AKAP19: variants seen among roughly 807,000 people sequenced by gnomAD.
The protein encoded by AKAP19 is small A-kinase anchoring protein.
At chr2:189,885,665 C>T in the AKAP19 span, among the ~76,000 whole-genome samples, 3 of 152,034 alleles carry the variant, frequency 2.0e-5, no homozygotes, top group African/African-American at 7.2e-5. Context: ...TACTGAAAGG[C>T]CTTTTTGGTC....
chr2:190,050,737 A>G, the AKAP19 span, among the ~76,000 whole-genome samples: 3 of 152,366 alleles, frequency 2.0e-5, no homozygotes, highest in African/African-American at 7.2e-5. Flanking sequence ...ATCTATTTCT[A>G]TATCTTTTCA....
chr2:189,888,931 C>A, the AKAP19 span, among the ~76,000 whole-genome samples: 4 of 152,104 alleles, frequency 2.6e-5, no homozygotes, highest in Non-Finnish European at 4.4e-5. Flanking sequence ...AATACCCTTT[C>A]TTTCTTTCTC....
the AKAP19 span, among the ~76,000 whole-genome samples, chr2:190,192,409 G>A: frequency 2.7e-5 from 4 of 149,168 alleles, no homozygotes; most frequent in African/African-American, 5.0e-5. Flanking sequence ...TCTCAAAATT[G>A]TTTTGGCCAT....
the AKAP19 span, chr2:190,181,291 T>A: frequency 3.0e-6 from 1 of 337,418 alleles, no homozygotes; most frequent in East Asian, 1.7e-4. Context: ...CGTCCCCTAA[T>A]CGAGAAGAGT....
the AKAP19 span, among the ~76,000 whole-genome samples, chr2:190,045,209 G>T: frequency 6.6e-6 from 1 of 152,212 alleles, no homozygotes; most frequent in Non-Finnish European, 1.5e-5. Context: ...ATGGGATCTG[G>T]ACCCGCTTAA....
At chr2:190,016,892 C>T in the AKAP19 span, among the ~76,000 whole-genome samples, 2 of 152,008 alleles carry the variant, frequency 1.3e-5, no homozygotes, top group Non-Finnish European at 2.9e-5. Context: ...GTATTGAGGT[C>T]CTTCACTACT....
At chr2:189,892,312 C>T in the AKAP19 span, among the ~76,000 whole-genome samples, 1 of 152,082 alleles carries the variant, frequency 6.6e-6, no homozygotes, top group Middle Eastern at 3.4e-3. Flanking sequence ...GGAGAAGAGG[C>T]GTTTTGGTTT....
At chr2:190,147,057 G>A in the AKAP19 span, among the ~76,000 whole-genome samples, 8 of 152,036 alleles carry the variant, frequency 5.3e-5, no homozygotes, top group Admixed American at 5.2e-4. Context: ...TTGGGTTCTT[G>A]GTCATGAAAT....
At chr2:190,123,469 T>G in the AKAP19 span, among the ~76,000 whole-genome samples, 44 of 152,350 alleles carry the variant, frequency 2.9e-4, no homozygotes, top group African/African-American at 1.1e-3. Flanking sequence ...AGTCCTGTGC[T>G]TTCATAAGGA....
the AKAP19 span, among the ~76,000 whole-genome samples, chr2:190,166,926 A>C: frequency 6.6e-6 from 1 of 152,310 alleles, no homozygotes; most frequent in East Asian, 1.9e-4. Flanking sequence ...AATGAATGAC[A>C]TGAGGACTAG....
the AKAP19 span, among the ~76,000 whole-genome samples, chr2:190,028,107 T>G: frequency 3.3e-5 from 5 of 152,182 alleles, no homozygotes; most frequent in African/African-American, 1.2e-4. Flanking sequence ...TTTTTCATTC[T>G]TTGCTTAGCT....
the AKAP19 span, among the ~76,000 whole-genome samples, chr2:190,069,542 G>A: frequency 4.6e-5 from 7 of 152,022 alleles, no homozygotes; most frequent in Non-Finnish European, 1.0e-4. Flanking sequence ...CTCCATTGGT[G>A]GTTTGAAGGT....
At chr2:189,897,827 G>T in the AKAP19 span, among the ~76,000 whole-genome samples, 1 of 152,050 alleles carries the variant, frequency 6.6e-6, no homozygotes, top group African/African-American at 2.4e-5. Context: ...GCTCTGAATG[G>T]GTAACAGTGT....
chr2:189,917,652 G>T, the AKAP19 span: 1 of 307,624 alleles, frequency 3.3e-6, no homozygotes, highest in Non-Finnish European at 6.2e-6. Context: ...GTTAGCTTCA[G>T]TTTCTATTTC....
the AKAP19 span, among the ~76,000 whole-genome samples, chr2:189,991,244 T>C: frequency 6.6e-6 from 1 of 152,250 alleles, no homozygotes; most frequent in Non-Finnish European, 1.5e-5. Context: ...ATGGTAGTTC[T>C]ACTTTTAGTT....
chr2:189,895,034 AG>A, the AKAP19 span, among the ~76,000 whole-genome samples: 1 of 152,068 alleles, frequency 6.6e-6, no homozygotes. Context: ...CACTAATGAA[AG>A]AAAAAAAACA....
the AKAP19 span, chr2:190,057,611 C>G: frequency 1.8e-5 from 29 of 1,613,136 alleles, no homozygotes; most frequent in Non-Finnish European, 2.5e-5. Context: ...TTTGGTGTGT[C>G]TGTTACCTTG....
At chr2:189,950,472 A>G in the AKAP19 span, among the ~76,000 whole-genome samples, 3 of 151,766 alleles carry the variant, frequency 2.0e-5, no homozygotes, top group East Asian at 5.8e-4. Flanking sequence ...ATAAGTCTCT[A>G]CCTTCAGACC....
the AKAP19 span, among the ~76,000 whole-genome samples, chr2:190,014,649 T>A: frequency 5.3e-5 from 8 of 152,136 alleles, no homozygotes; most frequent in African/African-American, 1.9e-4. Flanking sequence ...GTCCTTTTTT[T>A]TTTTTGACAC....
Sources: gnomAD v4.1 joint callset for allele counts (sites outside exome capture counted in the v4.1 genomes callset) on GRCh38, gnomAD v4.1.1 for gene constraint, MANE v1.5 for transcripts, NCBI Gene and HGNC (gene_info 2026-07-23, HGNC 2026-07-21) for gene names.